The following TMEM74 variants were observed in gnomAD, a reference collection of about 807,000 sequenced individuals.
TMEM74 encodes the protein transmembrane protein 74.
A neutral mutation model predicts 18.1 loss-of-function variants in TMEM74; 13 were observed. That is an observed-to-expected ratio of 0.72 (90% CI 0.47 to 1.14). The LOEUF is 1.14. TMEM74 is among the 50% of genes most tolerant of loss of function. The probability of loss-of-function intolerance (pLI) is 0.00; values close to 1 mark genes in which losing one functional copy is unlikely to be tolerated. For synonymous variants in TMEM74, 159 were observed against 146.6 expected, an observed-to-expected ratio of 1.08 and a Z score of -0.61; for missense variants, 372 against 375.9, an observed-to-expected ratio of 0.99 and a Z score of 0.09.
At chr8:108,706,776 G>GTGTGTGTGT (rs1554574025) in intron 1 of TMEM74, among the ~76,000 whole-genome samples, 11 of 144,972 alleles carry the variant, frequency 7.6e-5, no homozygotes, top group African/African-American at 2.6e-4. Context: ...AATTACAAGG[G>GTGTGTGTGT]GTGTGTGTGT....
intron 2 of TMEM74, among the ~76,000 whole-genome samples, chr8:108,642,151 C>A (rs1233483112): frequency 6.6e-6 from 1 of 152,032 alleles, no homozygotes; most frequent in South Asian, 2.1e-4. Flanking sequence ...GTAATTCTAG[C>A]ACTTTGGGAG....
Position 108,733,791 on chromosome 8 carries a change from C to T in TMEM74, n.119+53685G>A, listed in dbSNP as rs978660562. Among the ~76,000 whole-genome samples the T allele has an allele frequency of 3.9e-5, 6 of 152,158 alleles. No homozygotes were observed. In the South Asian group the frequency reaches 6.2e-4, roughly 16 times the overall value. Reference sequence around the variant, plus strand: ...TATCCTAGAAAGGGATTGTTCATACCACGGTGAATGGCCCAGTGTGTGGCA... The same window carrying T: ...TATCCTAGAAAGGGATTGTTCATACTACGGTGAATGGCCCAGTGTGTGGCA... On this transcript the variant is annotated intron_variant and non_coding_transcript_variant, in intron 1 of 3. Coordinates refer to the TMEM74 transcript ENST00000518838.
intron 1 of TMEM74, among the ~76,000 whole-genome samples, chr8:108,734,270 C>T (rs746037971): frequency 4.6e-5 from 7 of 152,144 alleles, no homozygotes; most frequent in Non-Finnish European, 7.4e-5. Context: ...TCCAGTGGTC[C>T]CCGTGGGTTC....
At chr8:108,654,746 T>G (rs1812804881) in intron 2 of TMEM74, among the ~76,000 whole-genome samples, 1 of 143,546 alleles carries the variant, frequency 7.0e-6, no homozygotes, top group African/African-American at 2.6e-5. Context: ...TCTTTGTCCT[T>G]TTTACCAAGT....
intron 1 of TMEM74, among the ~76,000 whole-genome samples, chr8:108,743,270 C>T (rs1193214698): frequency 2.6e-5 from 4 of 152,086 alleles, no homozygotes; most frequent in African/African-American, 7.2e-5. Flanking sequence ...GAATTTGTGG[C>T]CTTTTCTCTT....
intron 1 of TMEM74, among the ~76,000 whole-genome samples, chr8:108,706,735 G>A (rs1284151901): frequency 1.3e-5 from 2 of 151,180 alleles, no homozygotes; most frequent in Admixed American, 1.3e-4. Flanking sequence ...TGACAGACAA[G>A]CCAACTCCTA....
At chr8:108,748,869 T>C (rs1475855468) in intron 1 of TMEM74, among the ~76,000 whole-genome samples, 1 of 152,174 alleles carries the variant, frequency 6.6e-6, no homozygotes. Flanking sequence ...CCCCATTGCT[T>C]ATTTTTGTCA....
chr8:108,687,391 G>T (rs1027260066), intron 1 of TMEM74, among the ~76,000 whole-genome samples: 1 of 151,866 alleles, frequency 6.6e-6, no homozygotes, highest in East Asian at 1.9e-4. Context: ...AACAGAAAAA[G>T]TTAAGTCCTT....
intron 2 of TMEM74, among the ~76,000 whole-genome samples, chr8:108,642,859 A>G (rs1015689901): frequency 3.9e-5 from 6 of 152,182 alleles, no homozygotes; most frequent in African/African-American, 1.4e-4. Context: ...AATTCATTGT[A>G]GGAATTGTTA....
intron 1 of TMEM74, among the ~76,000 whole-genome samples, chr8:108,687,478 G>A (rs1356883372): frequency 1.3e-5 from 2 of 152,182 alleles, no homozygotes; most frequent in South Asian, 2.1e-4. Context: ...ACAGGGTCGA[G>A]GATGTTTTCG....
chr8:108,756,595 A>AAGG (rs1563543576), intron 1 of TMEM74, among the ~76,000 whole-genome samples: 15 of 86,204 alleles, frequency 1.7e-4, no homozygotes, highest in South Asian at 3.6e-4. Flanking sequence ...AAAGAAAGAA[A>AAGG]GAGAAAGGAA....
At chr8:108,730,395 G>T (rs747103655) in intron 1 of TMEM74, among the ~76,000 whole-genome samples, 1 of 152,108 alleles carries the variant, frequency 6.6e-6, no homozygotes, top group Non-Finnish European at 1.5e-5. Context: ...ACCCTGGCAC[G>T]GTCCCTCACA....
chr8:108,764,129 T>C (rs1814075520), intron 1 of TMEM74, among the ~76,000 whole-genome samples: 2 of 152,124 alleles, frequency 1.3e-5, no homozygotes, highest in Admixed American at 1.3e-4. Context: ...TCAATTTATC[T>C]CTTATCTCCA....
chr8:108,765,946 A>C (rs984267292), intron 1 of TMEM74, among the ~76,000 whole-genome samples: 2 of 152,178 alleles, frequency 1.3e-5, no homozygotes, highest in Non-Finnish European at 2.9e-5. Context: ...TGTAAGAACC[A>C]AACTGTTTTG....
chr8:108,687,979 A>T (rs1039933488), intron 1 of TMEM74, among the ~76,000 whole-genome samples: 4 of 152,324 alleles, frequency 2.6e-5, no homozygotes, highest in African/African-American at 9.6e-5. Flanking sequence ...ATAACCTAAT[A>T]AGAAAAATGA....
At chr8:108,759,178 G>A (rs911391867) in intron 1 of TMEM74, among the ~76,000 whole-genome samples, 4 of 152,016 alleles carry the variant, frequency 2.6e-5, no homozygotes, top group Non-Finnish European at 5.9e-5. Flanking sequence ...AGAGGGGTAA[G>A]ATAAGCTACA....
At chr8:108,686,453 C>A (rs1300187935) in intron 1 of TMEM74, among the ~76,000 whole-genome samples, 1 of 152,106 alleles carries the variant, frequency 6.6e-6, no homozygotes. Context: ...CCAGCCGCCT[C>A]AGCCTCCCAA....
At chr8:108,688,088 C>T (rs998444742) in intron 1 of TMEM74, among the ~76,000 whole-genome samples, 4 of 152,146 alleles carry the variant, frequency 2.6e-5, no homozygotes, top group African/African-American at 7.2e-5. Context: ...GAATTCAAAT[C>T]GAAGTAGAAA....
chr8:108,777,416 A>G (rs1814245777), downstream of TMEM74, among the ~76,000 whole-genome samples: 1 of 152,204 alleles, frequency 6.6e-6, no homozygotes, highest in African/African-American at 2.4e-5. Context: ...AAGTGTCAGC[A>G]TAAGCTTACT....
Sources: gnomAD v4.1 joint callset for allele counts (sites outside exome capture counted in the v4.1 genomes callset) on GRCh38, gnomAD v4.1.1 for gene constraint, MANE v1.5 for transcripts, NCBI Gene and HGNC (gene_info 2026-07-23, HGNC 2026-07-21) for gene names.